The following CTNNA2 variants were observed in gnomAD, a reference collection of about 807,000 sequenced individuals.
The protein encoded by CTNNA2 is catenin alpha-2.
A neutral mutation model predicts 101.0 loss-of-function variants in CTNNA2; 42 were observed. That is an observed-to-expected ratio of 0.42 (90% confidence interval 0.32 to 0.54). CTNNA2 has a LOEUF of 0.54. Ranked by LOEUF, CTNNA2 falls within the 20% of genes least tolerant of loss-of-function variation. The pLI is 0.14. For missense variants in CTNNA2, 871 were observed against 1,223.1 expected, an observed-to-expected ratio of 0.71 and a Z score of 4.29; for synonymous variants, 450 against 456.4, an observed-to-expected ratio of 0.99 and a Z score of 0.18.
intron 2 of CTNNA2, among the ~76,000 whole-genome samples, chr2:79,285,712 GA>G (rs1182162012): frequency 1.5e-5 from 2 of 130,748 alleles, no homozygotes; most frequent in African/African-American, 6.4e-5. Context: ...GTGTGGTGCT[GA>G]AAAAAATGTA....
intron 1 of CTNNA2, among the ~76,000 whole-genome samples, chr2:79,573,008 A>G (rs924590738): frequency 6.6e-6 from 1 of 152,178 alleles, no homozygotes; most frequent in Admixed American, 6.5e-5. Context: ...GAAAAATTCA[A>G]ATTACATTTC....
At chr2:79,568,584 G>A (rs1346865348) in intron 1 of CTNNA2, among the ~76,000 whole-genome samples, 1 of 151,922 alleles carries the variant, frequency 6.6e-6, no homozygotes, top group Admixed American at 6.6e-5. Context: ...GTGACAGAGT[G>A]AGACTCCCTC....
chr2:79,268,567 G>A (rs913682772), intron 2 of CTNNA2, among the ~76,000 whole-genome samples: 1 of 152,112 alleles, frequency 6.6e-6, no homozygotes, highest in African/African-American at 2.4e-5. Context: ...CCGGTTAGAG[G>A]CACAGGTAAA....
At chr2:79,643,508 G>C (rs1282333864) in intron 1 of CTNNA2, among the ~76,000 whole-genome samples, 1 of 152,176 alleles carries the variant, frequency 6.6e-6, no homozygotes, top group East Asian at 1.9e-4. Context: ...TTGTGTGTTA[G>C]CATGGCCTCT....
Position 80,629,118 on chromosome 2 carries a change from A to G in CTNNA2, c.2574+9890A>G, listed in dbSNP as rs573957892. On this transcript the variant is annotated intron_variant, in intron 18 of 18. Transcript: ENST00000402739. The stretch of plus-strand genomic sequence containing the variant: ...AGGTGTACTAAATAAATGAGTAGGT[A>G]TTTTTTGTTATCTTCTCTCCCCACA... 3.3e-5 allele frequency among the ~76,000 whole-genome samples: 5 copies of G among 152,202 alleles called. No homozygotes were observed. In the South Asian group the frequency reaches 8.3e-4, roughly 25 times the overall value.
intron 3 of CTNNA2, 111 bp downstream of exon 3, chr2:79,744,693 T>C: frequency 9.8e-7 from 1 of 1,022,804 alleles, no homozygotes; most frequent in Non-Finnish European, 1.4e-6. Flanking sequence ...TACGTTTTTT[T>C]CCTTTCTATC....
intron 4 of CTNNA2, among the ~76,000 whole-genome samples, chr2:79,429,290 T>A (rs1678626329): frequency 3.3e-5 from 5 of 152,146 alleles, no homozygotes; most frequent in Admixed American, 3.3e-4. Flanking sequence ...CCCCAGTTTT[T>A]AGGTCTATGA....
At chr2:80,344,994 A>G (rs1672602110) in intron 7 of CTNNA2, among the ~76,000 whole-genome samples, 1 of 152,072 alleles carries the variant, frequency 6.6e-6, no homozygotes, top group Non-Finnish European at 1.5e-5. Flanking sequence ...ATCACTACCA[A>G]ATCTCCATCA....
At chr2:79,388,491 A>C (rs567404213) in intron 4 of CTNNA2, among the ~76,000 whole-genome samples, 8 of 152,350 alleles carry the variant, frequency 5.3e-5, no homozygotes, top group African/African-American at 1.7e-4. Context: ...CAGTTTTTGT[A>C]GTTACATATG....
chr2:80,476,495 T>C (rs1165584698), intron 9 of CTNNA2, among the ~76,000 whole-genome samples: 1 of 152,138 alleles, frequency 6.6e-6, no homozygotes, highest in African/African-American at 2.4e-5. Context: ...TAACATAGCA[T>C]CAAGAAGCAA....
At chr2:80,519,925 A>G (rs1573111744) in intron 9 of CTNNA2, among the ~76,000 whole-genome samples, 1 of 152,284 alleles carries the variant, frequency 6.6e-6, no homozygotes, top group East Asian at 1.9e-4. Flanking sequence ...AGTGGACCAC[A>G]TCAGGAGACT....
chr2:79,727,339 T>A (rs1281831931), intron 2 of CTNNA2, among the ~76,000 whole-genome samples: 1 of 152,154 alleles, frequency 6.6e-6, no homozygotes, highest in East Asian at 1.9e-4. Context: ...AATACTTGGA[T>A]GAAAGACAGC....
chr2:80,642,738 TAAGCTG>T (rs1327890427), intron 18 of CTNNA2, among the ~76,000 whole-genome samples: 1 of 152,210 alleles, frequency 6.6e-6, no homozygotes, highest in African/African-American at 2.4e-5. Flanking sequence ...GTTGATAACA[TAAGCTG>T]TAGCAAGAGT....
chr2:80,127,450 T>C (rs565117485), intron 7 of CTNNA2, among the ~76,000 whole-genome samples: 18 of 152,248 alleles, frequency 1.2e-4, no homozygotes, highest in African/African-American at 4.3e-4. Context: ...TTCATAATGA[T>C]CAGCCTTTCC....
At chr2:80,040,014 G>A (rs935864170) in intron 7 of CTNNA2, among the ~76,000 whole-genome samples, 6 of 152,050 alleles carry the variant, frequency 3.9e-5, no homozygotes, top group African/African-American at 1.2e-4. Context: ...AAAATAAAAC[G>A]TAAAAATTAT....
At chr2:80,254,479 G>A (rs1255939811) in intron 7 of CTNNA2, among the ~76,000 whole-genome samples, 15 of 152,128 alleles carry the variant, frequency 9.9e-5, no homozygotes, top group African/African-American at 2.9e-4. Flanking sequence ...AGCTGGTTCA[G>A]GAACTCTGCA....
intron 7 of CTNNA2, among the ~76,000 whole-genome samples, chr2:80,287,311 C>A (rs1276788913): frequency 1.3e-5 from 2 of 152,122 alleles, no homozygotes; most frequent in South Asian, 2.1e-4. Context: ...CTACCATCTT[C>A]CCCCCTCCCG....
At chr2:80,009,561 A>T (rs974711932) in intron 7 of CTNNA2, among the ~76,000 whole-genome samples, 1 of 152,202 alleles carries the variant, frequency 6.6e-6, no homozygotes, top group African/African-American at 2.4e-5. Flanking sequence ...ACATGAAAAT[A>T]TATGCACATT....
chr2:79,992,968 A>G (rs1043213649), intron 7 of CTNNA2, among the ~76,000 whole-genome samples: 4 of 152,150 alleles, frequency 2.6e-5, no homozygotes, highest in African/African-American at 4.8e-5. Flanking sequence ...AAAATTGACA[A>G]AATTTTGCTT....
Sources: allele counts gnomAD v4.1 joint callset (sites outside exome capture counted in the v4.1 genomes callset), GRCh38; gene constraint gnomAD v4.1.1; transcripts MANE v1.5; gene names NCBI Gene and HGNC (gene_info 2026-07-23, HGNC 2026-07-21).